The following KCND2 variants were observed in gnomAD, a reference collection of about 807,000 sequenced individuals.
The protein encoded by KCND2 is potassium voltage-gated channel subfamily D member 2.
Under a neutral mutation model 54.4 loss-of-function variants are expected in KCND2, and 16 were observed. The ratio of observed to expected loss-of-function variants is 0.29; its 90% CI spans 0.20 to 0.45. KCND2 has a LOEUF of 0.45. Among genes scored for constraint, KCND2 ranks in the 20% least tolerant of loss-of-function variants. The probability of loss-of-function intolerance (pLI) is 1.00; values close to 1 mark genes in which losing one functional copy is unlikely to be tolerated. For synonymous variants in KCND2, 317 were observed against 310.7 expected (o/e 1.02, Z -0.21); for missense variants, 486 against 824.2 (o/e 0.59, Z 5.02).
At chr7:120,460,566 T>C (rs1802269327) in intron 1 of KCND2, among the ~76,000 whole-genome samples, 1 of 151,800 alleles carries the variant, frequency 6.6e-6, no homozygotes, top group Admixed American at 6.6e-5. Flanking sequence ...GCCTTTTTTT[T>C]TTTTTTTTTT....
chr7:120,710,823 A>C (rs967116706), intron 1 of KCND2, among the ~76,000 whole-genome samples: 6 of 152,192 alleles, frequency 3.9e-5, no homozygotes, highest in Non-Finnish European at 8.8e-5. Context: ...CTGGCAAAGC[A>C]TGCATTCATA....
At chr7:120,335,659 G>A (rs1800141314) in intron 1 of KCND2, among the ~76,000 whole-genome samples, 1 of 151,728 alleles carries the variant, frequency 6.6e-6, no homozygotes, top group Non-Finnish European at 1.5e-5. Context: ...CTAATTTTTT[G>A]TATTTTTAGT....
At chr7:120,364,953 G>A (rs1234356425) in intron 1 of KCND2, among the ~76,000 whole-genome samples, 3 of 151,990 alleles carry the variant, frequency 2.0e-5, no homozygotes, top group Non-Finnish European at 4.4e-5. Flanking sequence ...GGAGCAAAAA[G>A]ATTATAAGAA....
rs570443200 is a variant in KCND2, at chr7:120,532,460, T to C, written c.1116-200443T>C. Among the ~76,000 whole-genome samples, 80 of 152,018 alleles carry C rather than the reference T, an allele frequency of 5.3e-4. 2 individuals carry two copies. The highest frequency in any genetic ancestry group is 1.8e-3 in the African/African-American group (75 of 41,558). On this transcript the variant is annotated intron_variant, in intron 1 of 5. Transcript: ENST00000331113. ...TAACATGAAAGTTGTTATAATACCC[T>C]GGGTCTAAAATTTTGTATTTTGTAA...
At chr7:120,532,604 C>T (rs1337483558) in intron 1 of KCND2, among the ~76,000 whole-genome samples, 1 of 151,686 alleles carries the variant, frequency 6.6e-6, no homozygotes, top group Non-Finnish European at 1.5e-5. Flanking sequence ...ATCATGTATT[C>T]CTTCAAATCA....
chr7:120,637,099 G>C lies in KCND2; in HGVS notation c.1116-95804G>C, dbSNP rs1584864153. ...GCCAGCACTTTGCCCTATACTCTGA[G>C]CCAAAGATGAGTAAGAAGTGATGTT... On this transcript the variant is annotated intron_variant, in intron 1 of 5. Transcript: ENST00000331113. Among the ~76,000 whole-genome samples the C allele has an allele frequency of 7.2e-5, 11 of 152,190 alleles. No homozygotes were observed. The South Asian group carries it at 2.3e-3, about 32-fold the overall frequency.
At chr7:120,314,644 G>A (rs983209593) in intron 1 of KCND2, among the ~76,000 whole-genome samples, 3 of 152,106 alleles carry the variant, frequency 2.0e-5, no homozygotes, top group African/African-American at 7.2e-5. Context: ...CCGTATAAGC[G>A]ATGGATCTGT....
intron 1 of KCND2, among the ~76,000 whole-genome samples, chr7:120,695,489 T>C (rs1792322286): frequency 6.6e-6 from 1 of 152,212 alleles, no homozygotes; most frequent in Non-Finnish European, 1.5e-5. Context: ...TCACATAAGC[T>C]GGTTGTCTAC....
At chr7:120,728,282 CTTTT>C (rs758218585) in intron 1 of KCND2, among the ~76,000 whole-genome samples, 6 of 138,866 alleles carry the variant, frequency 4.3e-5, no homozygotes, top group African/African-American at 5.2e-5. Context: ...CGTTCTTCTT[CTTTT>C]TTTTTTTTTT....
At chr7:120,595,460 AATATATATATATATATAT>A (rs1390964580) in intron 1 of KCND2, among the ~76,000 whole-genome samples, 1 of 112,950 alleles carries the variant, frequency 8.9e-6, no homozygotes, top group Admixed American at 1.0e-4. Context: ...CCAAAAAAAA[AATATATATATATATATAT>A]ATGTGTATAT....
chr7:120,587,458 C>T (rs1340045189), intron 1 of KCND2, among the ~76,000 whole-genome samples: 1 of 152,130 alleles, frequency 6.6e-6, no homozygotes, highest in Non-Finnish European at 1.5e-5. Context: ...TGATCTGTTT[C>T]ATGATCAGTC....
In KCND2 at chr7:120,627,144, A is replaced by T. The variant is rs540448039; in HGVS notation, c.1116-105759A>T. Among the ~76,000 whole-genome samples the T allele has an allele frequency of 2.2e-3, 333 of 152,322 alleles. 2 individuals are homozygous for T. The highest frequency in any genetic ancestry group is 7.7e-3 in the African/African-American group (322 of 41,568). On this transcript the variant is annotated intron_variant, in intron 1 of 5. Coordinates refer to ENST00000331113, the MANE Select transcript of KCND2 (RefSeq NM_012281.3). ...GATGCAACTGGAAATTAAGTTCACC[A>T]TTTCCACAAACCCTTATTAAGCATC...
rs571709474 is a variant in KCND2 at position 120,595,040 on chromosome 7, G to A, written c.1116-137863G>A. 4.2e-4 allele frequency among the ~76,000 whole-genome samples: 62 copies of A among 148,962 alleles called. No individual in the cohort carries two copies. The South Asian group carries it at 4.3e-3, about 10-fold the overall frequency. ...CGTCTCAAAAGAAAAAAAAAAAAAAGAGAGAGAGAGAATGGAAATCGATGT... is the reference window on the plus strand; with the variant it reads ...CGTCTCAAAAGAAAAAAAAAAAAAAAAGAGAGAGAGAATGGAAATCGATGT... On this transcript the variant is annotated intron_variant, in intron 1 of 5. Transcript: ENST00000331113.
intron 1 of KCND2, among the ~76,000 whole-genome samples, chr7:120,441,729 T>C (rs6466746): frequency 0.28 from 42,056 of 151,902 alleles, 8,483 homozygotes; most frequent in East Asian, 0.56. Context: ...TGGACAGATA[T>C]GGAATTAACA....
At chr7:120,622,177 G>A (rs1040631698) in intron 1 of KCND2, among the ~76,000 whole-genome samples, 6 of 152,036 alleles carry the variant, frequency 3.9e-5, no homozygotes, top group South Asian at 2.1e-4. Context: ...GGTTTATTAC[G>A]ATGTTATGCG....
intron 1 of KCND2, among the ~76,000 whole-genome samples, chr7:120,411,887 T>G (rs1584767995): frequency 6.6e-6 from 1 of 152,100 alleles, no homozygotes; most frequent in African/African-American, 2.4e-5. Context: ...CCTCTCAGTT[T>G]ACCTAGATAG....
At chr7:120,612,503 G>A (rs1185203405) in intron 1 of KCND2, among the ~76,000 whole-genome samples, 1 of 152,188 alleles carries the variant, frequency 6.6e-6, no homozygotes, top group Non-Finnish European at 1.5e-5. Flanking sequence ...CTGTTTTACT[G>A]CATTTCACAT....
At chr7:120,329,919 G>A (rs1800038039) in intron 1 of KCND2, among the ~76,000 whole-genome samples, 1 of 152,086 alleles carries the variant, frequency 6.6e-6, no homozygotes, top group African/African-American at 2.4e-5. Context: ...AATTATTCAT[G>A]ACTTTAAAAG....
At chr7:120,541,598 G>A (rs1791980142) in intron 1 of KCND2, among the ~76,000 whole-genome samples, 1 of 152,066 alleles carries the variant, frequency 6.6e-6, no homozygotes, top group Admixed American at 6.6e-5. Context: ...CATGTTCCAA[G>A]CACAAAAGGT....
Sources: allele counts gnomAD v4.1 joint callset (sites outside exome capture counted in the v4.1 genomes callset), GRCh38; gene constraint gnomAD v4.1.1; transcripts MANE v1.5; gene names NCBI Gene and HGNC (gene_info 2026-07-23, HGNC 2026-07-21).